Variants in EPHX1 observed in about 807,000 individuals in gnomAD.
The protein encoded by EPHX1 is epoxide hydrolase 1, also known as epoxide hydratase.
EPHX1 carries 40 observed loss-of-function variants against 43.2 expected under a neutral mutation model. The ratio of observed to expected loss-of-function variants is 0.93; its 90% CI spans 0.72 to 1.21. The LOEUF (loss-of-function observed/expected upper bound fraction) is 1.21. EPHX1 is among the 50% of genes most tolerant of loss of function. The probability of loss-of-function intolerance (pLI) is 0.00; values close to 1 mark genes in which losing one functional copy is unlikely to be tolerated. For missense variants in EPHX1, 550 were observed against 570.4 expected, an observed-to-expected ratio of 0.96 and a Z score of 0.36; for synonymous variants, 221 against 226.7, an observed-to-expected ratio of 0.98 and a Z score of 0.22.
At chr1:225,816,609 A>T (rs968539654) in intron 1 of EPHX1, among the ~76,000 whole-genome samples, 1 of 152,212 alleles carries the variant, frequency 6.6e-6, no homozygotes, top group African/African-American at 2.4e-5. Context: ...TGTGGCCTTT[A>T]AAGAGTGTGG....
chr1:225,831,553 AAAAAAAG>A (rs201089310), intron 2 of EPHX1, among the ~76,000 whole-genome samples: 2,150 of 114,272 alleles, frequency 0.019, 46 homozygotes, highest in African/African-American at 0.048. Flanking sequence ...TCTCAAAAAA[AAAAAAAG>A]AAAAAAGAAA....
At chr1:225,834,588 C>CT (rs1553485438) in intron 3 of EPHX1, among the ~76,000 whole-genome samples, 2 of 21,130 alleles carry the variant, frequency 9.5e-5, no homozygotes, top group African/African-American at 3.6e-4. Flanking sequence ...GCCAAGAACA[C>CT]TAAAAAAAAA....
At position 225,828,631 on chromosome 1, in the gene EPHX1, C is replaced by T. The variant is rs45540836; in HGVS notation, c.-5-94C>T. 2.8e-4 allele frequency: 352 copies of T among 1,262,978 alleles called. No homozygotes were observed. The African/African-American group carries it at 4.8e-3, about 17-fold the overall frequency. 78.2% of individuals were successfully genotyped at this position (1,262,978 alleles called of 1,614,324 possible). On this transcript the variant is annotated intron_variant, in intron 1 of 8. Transcript: ENST00000272167. ...TAAAATCAGGGACAGGGTTGGAGCG[C>T]AGCAGGAAAGAGCCTGCTGGGGATC...
At chr1:225,827,931 G>A (rs1667336318) in intron 1 of EPHX1, among the ~76,000 whole-genome samples, 1 of 152,046 alleles carries the variant, frequency 6.6e-6, no homozygotes, top group African/African-American at 2.4e-5. Context: ...CTGCCCTGAG[G>A]ATAAGCCTCT....
chr1:225,810,608 GGC>G (rs1666429063), intron 1 of EPHX1: 1 of 152,466 alleles, frequency 6.6e-6, no homozygotes, highest in Admixed American at 6.5e-5. Context: ...CCACCAAACA[GGC>G]TTTGTGTGAG....
chr1:225,826,447 CA>C (rs374232833), intron 1 of EPHX1, among the ~76,000 whole-genome samples: 2,045 of 84,068 alleles, frequency 0.024, 18 homozygotes, highest in African/African-American at 0.037. Flanking sequence ...GACTCTGTCT[CA>C]AAAAAAAAAA....
intron 2 of EPHX1, 36 bp downstream of exon 2, chr1:225,828,948 G>A: frequency 3.9e-6 from 6 of 1,552,528 alleles, no homozygotes; most frequent in Non-Finnish European, 3.5e-6. Context: ...CTGGGCAGTG[G>A]AGAGGGTGGT....
chr1:225,823,349 C>G (rs948988130), intron 1 of EPHX1, among the ~76,000 whole-genome samples: 1 of 152,146 alleles, frequency 6.6e-6, no homozygotes, highest in African/African-American at 2.4e-5. Flanking sequence ...CGTATTGTAA[C>G]CTCCAAGATG....
chr1:225,825,181 G>A (rs1667171257), intron 1 of EPHX1, among the ~76,000 whole-genome samples: 1 of 152,206 alleles, frequency 6.6e-6, no homozygotes, highest in Non-Finnish European at 1.5e-5. Context: ...CTCGAGCACT[G>A]ATCATTTCAG....
chr1:225,844,421 G>T, intron 7 of EPHX1, 77 bp from the exon 8 acceptor site: 2 of 1,611,800 alleles, frequency 1.2e-6, no homozygotes, highest in Middle Eastern at 1.7e-4. Flanking sequence ...CCTGGCATTT[G>T]TAGGACTTTC....
rs998813638 is a variant in EPHX1 at position 225,821,687 on chromosome 1, A to C, written c.-5-7038A>C. On this transcript the variant is annotated intron_variant, in intron 1 of 8. Coordinates refer to ENST00000272167, the MANE Select transcript of EPHX1 (RefSeq NM_001136018.4). ...GCAATCTTCCCACTTCAGCCTCCCG[A>C]GTAGCTGGGACCTCAGGCATGCACC... 4.8e-5 allele frequency among the ~76,000 whole-genome samples: 7 copies of C among 145,828 alleles called. No homozygotes were observed. The South Asian group carries it at 1.5e-3, about 32-fold the overall frequency.
chr1:225,832,109 TG>T, intron 3 of EPHX1, 150 bp downstream of exon 3: 2 of 821,282 alleles, frequency 2.4e-6, no homozygotes, highest in South Asian at 2.9e-5. Context: ...CCTTACTAAA[TG>T]CAAAAATATT....
chr1:225,812,395 C>T (rs755171509), intron 1 of EPHX1, among the ~76,000 whole-genome samples: 2 of 152,188 alleles, frequency 1.3e-5, no homozygotes, highest in African/African-American at 2.4e-5. Context: ...TGGACTTACG[C>T]GGCTGGGAAC....
intron 3 of EPHX1, among the ~76,000 whole-genome samples, chr1:225,834,970 G>A (rs1048608364): frequency 3.9e-5 from 6 of 152,184 alleles, no homozygotes; most frequent in African/African-American, 9.7e-5. Flanking sequence ...ACATAGTGGC[G>A]GTGTTCTGAA....
At chr1:225,824,569 A>T (rs774896431) in intron 1 of EPHX1, among the ~76,000 whole-genome samples, 1 of 152,232 alleles carries the variant, frequency 6.6e-6, no homozygotes, top group Non-Finnish European at 1.5e-5. Flanking sequence ...GGCTGCCATC[A>T]GGCCTCCGAG....
chr1:225,820,946 T>TA (rs1195695162), intron 1 of EPHX1, among the ~76,000 whole-genome samples: 3 of 152,112 alleles, frequency 2.0e-5, no homozygotes, highest in African/African-American at 7.2e-5. Flanking sequence ...AGCCAGTAGT[T>TA]ACACTCAGTG....
chr1:225,844,452 A>G (rs1340139139), intron 7 of EPHX1, 46 bp from the exon 8 acceptor site: 1 of 1,592,478 alleles, frequency 6.3e-7, no homozygotes, highest in South Asian at 1.1e-5. Flanking sequence ...TTGTCACACA[A>G]CTGCATGTGG....
chr1:225,810,464 AC>A (rs1404397606), intron 1 of EPHX1: 1 of 135,732 alleles, frequency 7.4e-6, no homozygotes, highest in Admixed American at 7.2e-5. Flanking sequence ...GAGGCTCGCG[AC>A]CCCGAGAGCG....
intron 7 of EPHX1, among the ~76,000 whole-genome samples, chr1:225,844,234 G>A (rs1668701281): frequency 1.3e-5 from 2 of 152,074 alleles, no homozygotes; most frequent in Non-Finnish European, 2.9e-5. Flanking sequence ...TCAGTGGCAG[G>A]AGAGAGGGGA....
Sources: allele counts gnomAD v4.1 joint callset (sites outside exome capture counted in the v4.1 genomes callset), GRCh38; gene constraint gnomAD v4.1.1; transcripts MANE v1.5; gene names NCBI Gene and HGNC (gene_info 2026-07-23, HGNC 2026-07-21).